ZDHHC5: variants seen among roughly 807,000 people sequenced by gnomAD.
The protein encoded by ZDHHC5 is palmitoyltransferase ZDHHC5.
Under a neutral mutation model 70.0 loss-of-function variants are expected in ZDHHC5, and 22 were observed. The ratio of observed to expected loss-of-function variants is 0.31; its 90% confidence interval spans 0.22 to 0.45. The LOEUF is 0.45. Among genes scored for constraint, ZDHHC5 ranks in the 20% least tolerant of loss-of-function variants. ZDHHC5 has a pLI of 1.00. For missense variants in ZDHHC5, 746 were observed against 926.9 expected (o/e 0.80, Z 2.53); for synonymous variants, 313 against 347.8 (o/e 0.90, Z 1.11).
chr11:57,673,266 C>G (rs1946030076), intron 2 of ZDHHC5, 72 bp downstream of exon 2: 1 of 1,515,112 alleles, frequency 6.6e-7, no homozygotes, highest in Non-Finnish European at 9.1e-7. Flanking sequence ...AACGCTTTCT[C>G]TTGAGTTTTG....
At chr11:57,692,842 T>G in intron 7 of ZDHHC5, 140 bp downstream of exon 7, 2 of 789,220 alleles carry the variant, frequency 2.5e-6, no homozygotes, top group Admixed American at 2.8e-5. Context: ...CCACTCTATC[T>G]TAGAATGGTA....
intron 7 of ZDHHC5, among the ~76,000 whole-genome samples, chr11:57,693,166 G>T (rs1027520316): frequency 1.3e-5 from 2 of 152,082 alleles, no homozygotes; most frequent in African/African-American, 4.8e-5. Flanking sequence ...AATTAGCTGG[G>T]CAAGGTGGCA....
chr11:57,698,825 A>G lies in ZDHHC5; in HGVS notation c.1389A>G (p.Thr463=), dbSNP rs1355112887. The change falls in exon 11 of 12, where the codon ACA becomes ACG. Residue 463 remains threonine (T), a synonymous_variant. Transcript: ENST00000287169. The part of the protein sequence containing the change: ...STSYKSLANQ[T]RNGSLSYDSL... ...CCTATAAGAGCCTGGCCAACCAGACACGCAATGGAAGCCTATCTTATGACA... is the reference window on the plus strand; with the variant it reads ...CCTATAAGAGCCTGGCCAACCAGACGCGCAATGGAAGCCTATCTTATGACA... The G allele has an allele frequency of 6.2e-7, 1 of 1,614,236 alleles. No individual in the cohort carries two copies. The highest frequency in any genetic ancestry group is 2.2e-5 in the East Asian group (1 of 44,882).
intron 10 of ZDHHC5, among the ~76,000 whole-genome samples, chr11:57,697,394 C>T (rs1356107678): frequency 8.6e-5 from 13 of 151,820 alleles, no homozygotes; most frequent in Admixed American, 4.6e-4. Context: ...ACCCAGGAAG[C>T]GGAGCTTGCA....
In ZDHHC5 at chr11:57,690,217, C is replaced by T. The variant is rs1244476335; in HGVS notation, c.557+14C>T. The T allele has an allele frequency of 1.2e-6, 2 of 1,613,388 alleles. No homozygotes were observed. Among genetic ancestry groups the T allele is most frequent in the Admixed American group, 1.7e-5 (1 of 59,958 alleles). On this transcript the variant is annotated intron_variant, in intron 5 of 11. Transcript: ENST00000287169. ...CACGGCTGTCACGTATCCTTCAAGGCCTTTTAGATTGTGGGATTGGAAGGG... is the reference window on the plus strand; with the variant it reads ...CACGGCTGTCACGTATCCTTCAAGGTCTTTTAGATTGTGGGATTGGAAGGG...
In ZDHHC5 at chr11:57,692,720, G is replaced by C. The variant is rs1455670613; in HGVS notation, c.752+18G>C. On this transcript the variant is annotated intron_variant, in intron 7 of 11. Coordinates refer to ENST00000287169, the MANE Select transcript of ZDHHC5 (RefSeq NM_015457.3). Reference sequence around the variant, plus strand: ...GCACCCAGGTACACCTATCCCTCTGGTCTAGTGTTTACCATTGGTCAGAAC... The same window carrying C: ...GCACCCAGGTACACCTATCCCTCTGCTCTAGTGTTTACCATTGGTCAGAAC... 1 of 1,613,382 alleles carries C rather than the reference G, an allele frequency of 6.2e-7. No homozygotes were observed. The highest frequency in any genetic ancestry group is 8.5e-7 in the Non-Finnish European group (1 of 1,179,602).
chr11:57,682,856 G>A (rs1242200620), intron 3 of ZDHHC5, among the ~76,000 whole-genome samples: 6 of 152,160 alleles, frequency 3.9e-5, no homozygotes, highest in African/African-American at 9.7e-5. Context: ...AAGCATATGG[G>A]TTGGATGCTA....
intron 3 of ZDHHC5, 47 bp from the exon 4 acceptor site, chr11:57,688,461 C>T (rs369432622): frequency 6.7e-7 from 1 of 1,491,708 alleles, no homozygotes; most frequent in Non-Finnish European, 8.9e-7. Context: ...CTAGCACTTA[C>T]TACAGTTCTG....
chr11:57,675,233 A>C (rs1049922901), intron 2 of ZDHHC5, among the ~76,000 whole-genome samples: 1 of 152,212 alleles, frequency 6.6e-6, no homozygotes, highest in African/African-American at 2.4e-5. Flanking sequence ...TTAAGAGGCA[A>C]AGCCTTTGGA....
intron 3 of ZDHHC5, 122 bp from the exon 4 acceptor site, chr11:57,688,386 A>G (rs1946239078): frequency 3.5e-6 from 4 of 1,154,070 alleles, no homozygotes; most frequent in Non-Finnish European, 4.6e-6. Flanking sequence ...CCTAGTTCCT[A>G]GTCTCACTCA....
At chr11:57,671,779 C>A (rs1443733585) in intron 1 of ZDHHC5, among the ~76,000 whole-genome samples, 1 of 152,170 alleles carries the variant, frequency 6.6e-6, no homozygotes, top group Non-Finnish European at 1.5e-5. Flanking sequence ...AAGAGCTAGT[C>A]CTTTGATGTC....
intron 3 of ZDHHC5, among the ~76,000 whole-genome samples, chr11:57,686,225 G>C (rs1946206444): frequency 6.6e-6 from 1 of 152,110 alleles, no homozygotes; most frequent in African/African-American, 2.4e-5. Context: ...GCAGTGAGCT[G>C]TGGTCGCAGC....
intron 1 of ZDHHC5, among the ~76,000 whole-genome samples, chr11:57,669,326 C>T (rs921778448): frequency 6.6e-6 from 1 of 152,174 alleles, no homozygotes; most frequent in Non-Finnish European, 1.5e-5. Flanking sequence ...TGCTGGTATC[C>T]ACCTATTTAA....
chr11:57,685,062 C>T (rs1259332819), intron 3 of ZDHHC5, among the ~76,000 whole-genome samples: 5 of 151,892 alleles, frequency 3.3e-5, no homozygotes, highest in Non-Finnish European at 7.4e-5. Context: ...GCAGGAGAAT[C>T]GCTTGAGTGG....
chr11:57,696,085 A>G lies in ZDHHC5; in HGVS notation c.1009+42A>G, dbSNP rs1590871150. The G allele has an allele frequency of 3.8e-6, 6 of 1,581,468 alleles. No homozygotes were observed. In the East Asian group the frequency reaches 9.1e-5, roughly 24 times the overall value. ...TTTGCAAGATACTAGAACTAGGGGC[A>G]GGATTGAGAAGGTTGCTTATGAGCT... is the stretch of plus-strand genomic sequence containing the variant. On this transcript the variant is annotated intron_variant, in intron 9 of 11. Transcript: ENST00000287169.
rs1046685163 is a variant in ZDHHC5 at position 57,686,718 on chromosome 11, A to C, written c.227-1790A>C. Among the ~76,000 whole-genome samples, 73 of 152,206 alleles carry C rather than the reference A, an allele frequency of 4.8e-4. 1 individual carries two copies. Among genetic ancestry groups the C allele is most frequent in the African/African-American group, 1.6e-3 (67 of 41,448 alleles). ...CATTACCTATAATTTCACAGACCAGAGCTAACTACTGTTATATTGTGGTAT... is the reference window on the plus strand; with the variant it reads ...CATTACCTATAATTTCACAGACCAGCGCTAACTACTGTTATATTGTGGTAT... On this transcript the variant is annotated intron_variant, in intron 3 of 11. Coordinates refer to ENST00000287169, the MANE Select transcript of ZDHHC5 (RefSeq NM_015457.3).
intron 2 of ZDHHC5, among the ~76,000 whole-genome samples, chr11:57,680,650 C>T (rs1348196527): frequency 3.3e-5 from 5 of 152,172 alleles, no homozygotes; most frequent in African/African-American, 7.2e-5. Flanking sequence ...CTCTTCTTCC[C>T]CAGGCGGAAA....
chr11:57,678,220 A>T (rs988084340), intron 2 of ZDHHC5, among the ~76,000 whole-genome samples: 3 of 152,300 alleles, frequency 2.0e-5, no homozygotes, highest in Non-Finnish European at 4.4e-5. Flanking sequence ...AGGTGGAATA[A>T]TTGATGATGA....
At chr11:57,675,594 T>TC (rs1946061646) in intron 2 of ZDHHC5, among the ~76,000 whole-genome samples, 1 of 152,174 alleles carries the variant, frequency 6.6e-6, no homozygotes, top group South Asian at 2.1e-4. Context: ...TGGAGTTCCT[T>TC]CCCCCTGGCG....
Sources: gnomAD v4.1 joint callset for allele counts (sites outside exome capture counted in the v4.1 genomes callset) on GRCh38, gnomAD v4.1.1 for gene constraint, MANE v1.5 for transcripts, NCBI Gene and HGNC (gene_info 2026-07-23, HGNC 2026-07-21) for gene names.